Variants in RGS7 observed in about 807,000 individuals in gnomAD.
RGS7 encodes the protein regulator of G protein signaling 7.
In RGS7, 27 loss-of-function variants were observed where a neutral mutation model predicts 81.1. The observed-to-expected ratio is 0.33, with a 90% CI of 0.25 to 0.46. RGS7 has a LOEUF of 0.46. Ranked by LOEUF, RGS7 falls within the 20% of genes least tolerant of loss-of-function variation. RGS7 has a pLI of 1.00. For synonymous variants in RGS7, 208 were observed against 207.7 expected (o/e 1.00, Z -0.01); for missense variants, 396 against 607.4 (o/e 0.65, Z 3.66).
intron 18 of RGS7, among the ~76,000 whole-genome samples, chr1:240,788,487 T>G (rs568684152): frequency 1.1e-4 from 16 of 152,286 alleles, no homozygotes; most frequent in Admixed American, 2.6e-4. Context: ...ATCAGCAGCA[T>G]CAGCATCACT....
intron 4 of RGS7, among the ~76,000 whole-genome samples, chr1:240,969,563 T>C (rs1682871009): frequency 6.6e-6 from 1 of 152,228 alleles, no homozygotes; most frequent in Non-Finnish European, 1.5e-5. Flanking sequence ...TAATTAGATT[T>C]CCAGCTGCCT....
At chr1:240,848,770 C>G (rs1659562565) in intron 9 of RGS7, among the ~76,000 whole-genome samples, 1 of 152,022 alleles carries the variant, frequency 6.6e-6, no homozygotes, top group Non-Finnish European at 1.5e-5. Flanking sequence ...AAACTCAATT[C>G]TCCCAAGTTT....
At chr1:241,228,665 C>T (rs2148044838) in intron 2 of RGS7, among the ~76,000 whole-genome samples, 1 of 152,050 alleles carries the variant, frequency 6.6e-6, no homozygotes, top group South Asian at 2.1e-4. Context: ...AAGGCAGATC[C>T]AGGAAAAGAA....
intron 6 of RGS7, among the ~76,000 whole-genome samples, chr1:240,871,798 T>C (rs1664536532): frequency 6.6e-6 from 1 of 152,290 alleles, no homozygotes; most frequent in East Asian, 1.9e-4. Flanking sequence ...AGATCAAATT[T>C]TCTTAAATAT....
intron 2 of RGS7, among the ~76,000 whole-genome samples, chr1:241,294,675 G>A (rs1235812358): frequency 6.6e-6 from 1 of 152,172 alleles, no homozygotes; most frequent in African/African-American, 2.4e-5. Context: ...TTCATGGCAA[G>A]TGCCCTATAT....
intron 3 of RGS7, among the ~76,000 whole-genome samples, chr1:240,991,545 G>A (rs751884143): frequency 2.3e-4 from 35 of 152,156 alleles, no homozygotes; most frequent in Non-Finnish European, 2.9e-4. Context: ...AGGAAAATAG[G>A]GTTCCTTGAT....
chr1:240,790,296 A>C (rs536548439), intron 18 of RGS7, among the ~76,000 whole-genome samples: 1 of 152,244 alleles, frequency 6.6e-6, no homozygotes, highest in Admixed American at 6.5e-5. Flanking sequence ...AATAAAATGA[A>C]GTAGAGTTTT....
intron 9 of RGS7, among the ~76,000 whole-genome samples, chr1:240,861,733 AC>A (rs1662230750): frequency 6.6e-6 from 1 of 152,016 alleles, no homozygotes; most frequent in Non-Finnish European, 1.5e-5. Flanking sequence ...TAATAATTTC[AC>A]AATTTTTTTT....
intron 2 of RGS7, among the ~76,000 whole-genome samples, chr1:241,140,712 G>A (rs1298908834): frequency 6.6e-6 from 1 of 152,100 alleles, no homozygotes; most frequent in African/African-American, 2.4e-5. Flanking sequence ...TGCCCAATCT[G>A]GACAGAGCAT....
intron 2 of RGS7, among the ~76,000 whole-genome samples, chr1:241,349,955 G>T (rs2083132600): frequency 6.6e-6 from 1 of 152,178 alleles, no homozygotes; most frequent in Admixed American, 6.5e-5. Flanking sequence ...GCTATTAGAA[G>T]GTAATAAAAT....
At chr1:240,846,466 A>C (rs1411812051) in intron 9 of RGS7, among the ~76,000 whole-genome samples, 1 of 152,124 alleles carries the variant, frequency 6.6e-6, no homozygotes, top group East Asian at 1.9e-4. Flanking sequence ...CCTCCTGCTT[A>C]CAGGTTACTG....
chr1:241,299,379 T>C (rs968995112), intron 2 of RGS7, among the ~76,000 whole-genome samples: 1 of 151,986 alleles, frequency 6.6e-6, no homozygotes, highest in Non-Finnish European at 1.5e-5. Context: ...AATACTACAG[T>C]TTTAGTGCTA....
intron 3 of RGS7, among the ~76,000 whole-genome samples, chr1:240,991,981 C>T (rs1045433068): frequency 3.9e-5 from 6 of 152,122 alleles, no homozygotes; most frequent in Admixed American, 3.3e-4. Flanking sequence ...AAATTAAAAA[C>T]TTGCTCTTGA....
At chr1:241,318,155 G>A (rs2080995743) in intron 2 of RGS7, among the ~76,000 whole-genome samples, 2 of 152,140 alleles carry the variant, frequency 1.3e-5, no homozygotes, top group Admixed American at 1.3e-4. Flanking sequence ...TGATAGAAAT[G>A]GGCAAGTAAA....
rs1047726575 is a variant in RGS7, at chr1:241,164,735, T to C, written c.79-65973A>G. ...GCGCAGGCCAACAAAACACATCCCC[T>C]ACTCAGATTCTGCGCATGGGCCACC... On this transcript the variant is annotated intron_variant, in intron 2 of 18. Transcript: ENST00000440928. The surrounding 1 kb of genome is among the most constrained non-coding windows in gnomAD (Gnocchi z 4.1). Among the ~76,000 whole-genome samples, 5 of 152,186 alleles carry C rather than the reference T, an allele frequency of 3.3e-5. No individual in the cohort carries two copies. The highest frequency in any genetic ancestry group is 7.3e-5 in the Non-Finnish European group (5 of 68,032).
chr1:241,035,777 C>T (rs2060294487), intron 3 of RGS7, among the ~76,000 whole-genome samples: 1 of 152,144 alleles, frequency 6.6e-6, no homozygotes, highest in Non-Finnish European at 1.5e-5. Flanking sequence ...TTATCGAATG[C>T]TTACTGTATG....
At chr1:240,955,974 T>C (rs1571978503) in intron 4 of RGS7, among the ~76,000 whole-genome samples, 1 of 152,310 alleles carries the variant, frequency 6.6e-6, no homozygotes, top group East Asian at 1.9e-4. Context: ...CCACGATGGG[T>C]TGTCAGGTAT....
Position 240,868,525 on chromosome 1 carries a change from C to T in RGS7, c.609+62G>A. ...CAGTCTTTCACTTACTTTGGCAGGG[C>T]ACCCCTCACTTCCCACAGACGGAGA... On this transcript the variant is annotated intron_variant, in intron 9 of 18. Coordinates refer to ENST00000440928, the MANE Select transcript of RGS7 (RefSeq NM_001364886.1). The surrounding 1 kb of genome is among the most constrained non-coding windows in gnomAD (Gnocchi z 5.1). 1.4e-6 allele frequency: 2 copies of T among 1,433,388 alleles called. No homozygotes were observed. The highest frequency in any genetic ancestry group is 4.5e-5 in the East Asian group (2 of 44,094). The allele number at this position is 1,433,388 out of a possible 1,614,324, so 88.8% of individuals were successfully genotyped here.
chr1:240,915,152 ACT>A (rs1672391599), intron 6 of RGS7, among the ~76,000 whole-genome samples: 1 of 152,064 alleles, frequency 6.6e-6, no homozygotes, highest in Admixed American at 6.6e-5. Context: ...CACCCAGGTC[ACT>A]CTGTTCTTCT....
Sources: gnomAD v4.1 joint callset for allele counts (sites outside exome capture counted in the v4.1 genomes callset) on GRCh38, gnomAD v4.1.1 for gene constraint, Gnocchi (gnomAD v3.1) non-coding constraint, MANE v1.5 for transcripts, NCBI Gene and HGNC (gene_info 2026-07-23, HGNC 2026-07-21) for gene names.